Variants in KIF20B observed in about 807,000 individuals in gnomAD.
KIF20B encodes kinesin family member 20B, also known as kinesin-like protein KIF20B.
Under a neutral mutation model 232.5 loss-of-function variants are expected in KIF20B, and 188 were observed. The observed-to-expected ratio is 0.81, with a 90% CI of 0.72 to 0.91. The LOEUF (loss-of-function observed/expected upper bound fraction) is 0.91, where lower values mean the gene tolerates loss of function less well. Ranked by LOEUF, KIF20B falls within the 40% of genes least tolerant of loss-of-function variation. KIF20B has a pLI of 0.00. For missense variants in KIF20B, 2,154 were observed against 2,055.9 expected, an observed-to-expected ratio of 1.05 and a Z score of -0.92; for synonymous variants, 712 against 683.0, an observed-to-expected ratio of 1.04 and a Z score of -0.66.
chr10:89,738,888 AC>A, intron 20 of KIF20B, 69 bp from the exon 21 acceptor site: 2 of 1,465,450 alleles, frequency 1.4e-6, no homozygotes, highest in Non-Finnish European at 1.8e-6. Flanking sequence ...AAAGATTGTT[AC>A]CATTTCACAT....
chr10:89,746,218 T>G (rs74206219), intron 23 of KIF20B, among the ~76,000 whole-genome samples: 4,083 of 152,296 alleles, frequency 0.027, 359 homozygotes, highest in East Asian at 0.27. Context: ...CGGCTTGTGT[T>G]AATCAGCTCA....
chr10:89,757,040 G>GTGTGTATATATATATA (rs1301847520), intron 26 of KIF20B, among the ~76,000 whole-genome samples: 17 of 110,748 alleles, frequency 1.5e-4, no homozygotes, highest in African/African-American at 2.3e-4. Flanking sequence ...GTGTGTGTGT[G>GTGTGTATATATATATA]TATATATATA....
chr10:89,738,251 T>G lies in KIF20B; in HGVS notation c.3410T>G (p.Val1137Gly). Residue 1137 changes from valine to glycine, a missense_variant, in exon 20 of 33, where the codon GTT (valine) becomes GGT (glycine). Transcript: ENST00000371728. ...ELQEKNVTLDVQIQHVVEGKR... is the reference protein window; with the variant it reads ...ELQEKNVTLDGQIQHVVEGKR... ...CAAGAAAAAAATGTTACTCTTGATG[T>G]TCAAATACAGCATGTAGTTGAAGGA... 1 of 1,609,080 alleles carries G rather than the reference T, an allele frequency of 6.2e-7. No individual in the cohort carries two copies.
intron 11 of KIF20B, among the ~76,000 whole-genome samples, chr10:89,717,953 A>G (rs1388329214): frequency 6.6e-6 from 1 of 152,220 alleles, no homozygotes; most frequent in Non-Finnish European, 1.5e-5. Context: ...TGGCAAATCT[A>G]TACCAATAGA....
At chr10:89,729,061 A>C in intron 17 of KIF20B, 67 bp from the exon 18 acceptor site, 1 of 1,217,994 alleles carries the variant, frequency 8.2e-7, no homozygotes, top group Non-Finnish European at 1.1e-6. Context: ...TTGCATTATT[A>C]ATCATATTTG....
intron 29 of KIF20B, among the ~76,000 whole-genome samples, chr10:89,764,845 T>TCAC (rs1842321691): frequency 6.6e-6 from 1 of 152,168 alleles, no homozygotes; most frequent in African/African-American, 2.4e-5. Context: ...ATTTTGTAGG[T>TCAC]CACCTATTCA....
chr10:89,719,529 A>G lies in KIF20B; in HGVS notation c.1545A>G (p.Val515=). 2 of 1,612,580 alleles carry G rather than the reference A, an allele frequency of 1.2e-6. No individual in the cohort carries two copies. The highest frequency in any genetic ancestry group is 1.7e-6 in the Non-Finnish European group (2 of 1,178,876). ...ATTCAAACAGTAAAATATTAAATGT[A>G]AAAAGAGCCACCATTTCATGGGAAA... ...DSNSNSKILN[V]KRATISWENS... Residue 515 remains valine, a synonymous_variant, in exon 13 of 33, where the codon GTA becomes GTG. Transcript: ENST00000371728.
At position 89,715,158 on chromosome 10, in the gene KIF20B, G is replaced by A. The variant is rs372546647; in HGVS notation, c.916G>A (p.Val306Ile). Residue 306 changes from valine to isoleucine, a missense_variant, in exon 8 of 33, where the codon GTA (valine) becomes ATA (isoleucine). Coordinates refer to ENST00000371728, the MANE Select transcript of KIF20B (RefSeq NM_001284259.2). ...AAAGATGCTGCGCCTTTCCCAAGAC[G>A]TAAAGGGCTATTCTTTTATAAAAGG... ...KRKMLRLSQDVKGYSFIKDLQ... is the reference protein window; with the variant it reads ...KRKMLRLSQDIKGYSFIKDLQ... 1.3e-5 allele frequency: 21 copies of A among 1,596,910 alleles called. No homozygotes were observed. In the East Asian group the frequency reaches 1.3e-4, roughly 10 times the overall value.
chr10:89,742,010 G>T (rs1178649523), intron 21 of KIF20B, among the ~76,000 whole-genome samples: 1 of 151,914 alleles, frequency 6.6e-6, no homozygotes, highest in African/African-American at 2.4e-5. Flanking sequence ...TGTTGTAAAG[G>T]GCTTCCTTTA....
chr10:89,734,906 T>C (rs1253481261), intron 19 of KIF20B, among the ~76,000 whole-genome samples: 1 of 152,228 alleles, frequency 6.6e-6, no homozygotes, highest in East Asian at 1.9e-4. Flanking sequence ...TGTCAACTTC[T>C]AGAAATTTTC....
chr10:89,703,892 A>G (rs1437556364), intron 1 of KIF20B, among the ~76,000 whole-genome samples: 2 of 151,694 alleles, frequency 1.3e-5, no homozygotes, highest in South Asian at 2.1e-4. Context: ...AGCTGGGACT[A>G]CAGGCGCATG....
At chr10:89,742,060 A>G (rs1841806964) in intron 21 of KIF20B, among the ~76,000 whole-genome samples, 1 of 152,194 alleles carries the variant, frequency 6.6e-6, no homozygotes, top group South Asian at 2.1e-4. Context: ...AAATAAAGAA[A>G]AAAAATTGTA....
intron 24 of KIF20B, among the ~76,000 whole-genome samples, chr10:89,752,336 A>G (rs1842037633): frequency 1.3e-5 from 2 of 152,188 alleles, no homozygotes; most frequent in South Asian, 2.1e-4. Context: ...TTATTATACT[A>G]TACTGTGAAT....
intron 8 of KIF20B, among the ~76,000 whole-genome samples, chr10:89,715,596 G>GTA (rs1259912144): frequency 2.0e-4 from 30 of 152,118 alleles, no homozygotes; most frequent in Non-Finnish European, 2.4e-4. Flanking sequence ...CTACATGCAT[G>GTA]TATATATATT....
intron 7 of KIF20B, 32 bp downstream of exon 7, chr10:89,714,115 T>G (rs752945616): frequency 1.6e-6 from 2 of 1,226,044 alleles, no homozygotes; most frequent in Non-Finnish European, 2.3e-6. Flanking sequence ...ATCTTTGATG[T>G]ATCGATTATA....
intron 1 of KIF20B, among the ~76,000 whole-genome samples, chr10:89,702,946 G>T (rs1842642914): frequency 6.6e-6 from 1 of 152,134 alleles, no homozygotes; most frequent in Non-Finnish European, 1.5e-5. Flanking sequence ...ATCTAAAATC[G>T]CAAGAAGTTA....
At chr10:89,703,721 A>T (rs571915689) in intron 1 of KIF20B, among the ~76,000 whole-genome samples, 15 of 150,600 alleles carry the variant, frequency 1.0e-4, no homozygotes, top group Admixed American at 8.6e-4. Flanking sequence ...TGGATGCTTC[A>T]GAATTTGACT....
chr10:89,764,969 C>G (rs1252369352), intron 29 of KIF20B, among the ~76,000 whole-genome samples: 1 of 151,422 alleles, frequency 6.6e-6, no homozygotes, highest in Non-Finnish European at 1.5e-5. Context: ...GAAGTCCTTG[C>G]CCATGCCTAT....
At position 89,757,040 on chromosome 10, in the gene KIF20B, G is replaced by GTATATATATATA. The variant is rs34325599; in HGVS notation, c.4504-1647_4504-1636dup. Among the ~76,000 whole-genome samples the GTATATATATATA allele has an allele frequency of 9.6e-3, 1,066 of 110,606 alleles. 17 individuals carry two copies. Among genetic ancestry groups the GTATATATATATA allele is most frequent in the Middle Eastern group, 0.015 (3 of 206 alleles). The allele number at this position is 110,606 out of a possible 152,430, so 72.6% of individuals were successfully genotyped here. ...ATCTCTGTTGTGTGTGTGTGTGTGT[G>GTATATATATATA]TATATATATATATATATATATATAT... is the stretch of plus-strand genomic sequence containing the variant. On this transcript the variant is annotated intron_variant, in intron 26 of 32. Transcript: ENST00000371728.
Sources: gnomAD v4.1 joint callset for allele counts (sites outside exome capture counted in the v4.1 genomes callset) on GRCh38, gnomAD v4.1.1 for gene constraint, MANE v1.5 for transcripts, NCBI Gene and HGNC (gene_info 2026-07-23, HGNC 2026-07-21) for gene names.